The following SPATA31A6 variants were observed in gnomAD, a reference collection of about 807,000 sequenced individuals.
SPATA31A6 encodes the protein spermatogenesis-associated protein 31A6.
In SPATA31A6, 9 loss-of-function variants were observed where a neutral mutation model predicts 11.9. The observed-to-expected ratio is 0.76, with a 90% CI of 0.46 to 1.32. The LOEUF is 1.32. Ranked by LOEUF, SPATA31A6 falls within the 40% of genes most tolerant of loss-of-function variation. The pLI is 0.00. For missense variants in SPATA31A6, 855 were observed against 1,467.3 expected (o/e 0.58, Z 6.82); for synonymous variants, 314 against 572.1 (o/e 0.55, Z 6.44).
Position 42,185,883 on chromosome 9 carries a change from G to A in SPATA31A6, c.308+128G>A, listed in dbSNP as rs1231655931. 6.1e-5 allele frequency: 89 copies of A among 1,463,204 alleles called. 13 individuals carry two copies. The highest frequency in any genetic ancestry group is 7.6e-5 in the Non-Finnish European group (83 of 1,094,032). 90.6% of individuals were successfully genotyped at this position (1,463,204 alleles called of 1,614,324 possible). ...ACAGAGGATGGGAGTAAAACCCTGG[G>A]GCGAGGGGTAGCAGGAGAATTGGGC... On this transcript the variant is annotated intron_variant, in intron 3 of 3. Transcript: ENST00000332857.
chr9:42,184,941 T>A (rs1231671841), intron 1 of SPATA31A6, 128 bp from the exon 2 acceptor site: 1 of 1,428,968 alleles, frequency 7.0e-7, no homozygotes. Flanking sequence ...GGTTCCTGAG[T>A]GCAGCATGCT....
rs1328623680 is a variant in SPATA31A6, at chr9:42,187,240, T to C, written c.1538T>C (p.Leu513Pro). ...GTCCTATCTCCTGCTTTTCCATCCC[T>C]GATTAAGAACACTGGAGTAGCTTGC... is the stretch of plus-strand genomic sequence containing the variant. Reference protein sequence around the residue: ...FPVLSPAFPSLIKNTGVACPA... With the variant: ...FPVLSPAFPSPIKNTGVACPA... Residue 513 changes from leucine (L) to proline (P), a missense_variant, in exon 4 of 4, where the codon CTG becomes CCG. Leu to Pro is a moderately conservative substitution (Grantham distance 98). Coordinates refer to ENST00000332857, the MANE Select transcript of SPATA31A6 (RefSeq NM_001145196.1). 5 of 1,542,990 alleles carry C rather than the reference T, an allele frequency of 3.2e-6. 1 individual carries two copies. In the South Asian group the frequency reaches 4.6e-5, roughly 14 times the overall value.
Position 42,186,944 on chromosome 9 carries a change from G to C in SPATA31A6, c.1242G>C (p.Gln414His), listed in dbSNP as rs775015956. ...LQESFWKNYS[Q>H]LFWGLPSLHS... The stretch of plus-strand genomic sequence containing the variant: ...AAAGTTTTTGGAAGAATTATAGCCA[G>C]CTTTTCTGGGGCCTCCCCTCTCTGC... The change falls in exon 4 of 4, where the codon CAG becomes CAC. Residue 414 changes from glutamine (Q) to histidine (H), a missense_variant. Transcript: ENST00000332857. The C allele has an allele frequency of 6.5e-7, 1 of 1,542,776 alleles. No homozygotes were observed. Among genetic ancestry groups the C allele is most frequent in the South Asian group, 1.1e-5 (1 of 87,444 alleles).
In SPATA31A6 at chr9:42,183,862, C is replaced by T. The variant is rs1375298093; in HGVS notation, c.175C>T (p.Pro59Ser). ...FHCDDPPSPS[P>S]GKRKCPVGRR... The stretch of plus-strand genomic sequence containing the variant: ...TTGTGATGACCCACCCTCACCATCG[C>T]CTGGGAAGAGAAAGGTAAGGAACCC... The change falls in exon 1 of 4, where the codon CCT (proline) becomes TCT (serine). Residue 59 changes from proline (P) to serine (S), a missense_variant. Pro to Ser is a moderately conservative substitution (Grantham distance 74, BLOSUM62 -1). Coordinates refer to ENST00000332857, the MANE Select transcript of SPATA31A6 (RefSeq NM_001145196.1). 3.3e-6 allele frequency: 5 copies of T among 1,531,782 alleles called. 1 individual carries two copies. The highest frequency in any genetic ancestry group is 2.6e-6 in the Non-Finnish European group (3 of 1,137,654). 94.9% of individuals were successfully genotyped at this position (1,531,782 alleles called of 1,614,324 possible).
At position 42,188,938 on chromosome 9, in the gene SPATA31A6, T is replaced by C. The variant is rs1353673870; in HGVS notation, c.3236T>C (p.Leu1079Pro). 9.1e-6 allele frequency: 14 copies of C among 1,541,390 alleles called. No individual in the cohort carries two copies. The highest frequency in any genetic ancestry group is 1.2e-5 in the Non-Finnish European group (14 of 1,137,238). Residue 1079 changes from leucine to proline, a missense_variant, in exon 4 of 4, where the codon CTG (leucine) becomes CCG (proline). By Grantham distance (98) the Leu-to-Pro change is moderately conservative. Transcript: ENST00000332857. ...HDLMAARRSKLVQEEPRNPNC... is the reference protein window; with the variant it reads ...HDLMAARRSKPVQEEPRNPNC... ...CTCATGGCAGCCAGAAGGAGCAAACTGGTGCAAGAGGAGCCCAGAAACCCA... is the reference window on the plus strand; with the variant it reads ...CTCATGGCAGCCAGAAGGAGCAAACCGGTGCAAGAGGAGCCCAGAAACCCA...
chr9:42,183,867 G>A lies in SPATA31A6; in HGVS notation c.180G>A (p.Gly60=). 6.5e-7 allele frequency: 1 copy of A among 1,531,372 alleles called. No homozygotes were observed. The highest frequency in any genetic ancestry group is 2.4e-5 in the East Asian group (1 of 41,694). The allele number at this position is 1,531,372 out of a possible 1,614,324, so 94.9% of individuals were successfully genotyped here. The part of the protein sequence containing the change: ...HCDDPPSPSP[G]KRKCPVGRRR... ...ATGACCCACCCTCACCATCGCCTGG[G>A]AAGAGAAAGGTAAGGAACCCTCAGT... The change falls in exon 1 of 4, where the codon GGG becomes GGA. Residue 60 remains glycine, a synonymous_variant. Transcript: ENST00000332857.
intron 1 of SPATA31A6, among the ~76,000 whole-genome samples, chr9:42,184,439 C>CTCTG (rs1829403811): frequency 9.8e-6 from 1 of 101,986 alleles, no homozygotes; most frequent in Admixed American, 9.7e-5. Flanking sequence ...GAAAATCCCT[C>CTCTG]TGTGTGTGTG....
Position 42,187,254 on chromosome 9 carries a change from G to T in SPATA31A6, c.1552G>T (p.Gly518Ter), listed in dbSNP as rs1433536245. 4 of 1,542,456 alleles carry T rather than the reference G, an allele frequency of 2.6e-6. 1 individual carries two copies. Among genetic ancestry groups the T allele is most frequent in the South Asian group, 1.2e-5 (1 of 86,486 alleles). ...PAFPSLIKNT[G>*]VACPASQNKV... ...TTTTCCATCCCTGATTAAGAACACT[G>T]GAGTAGCTTGCCCTGCATCGCAGAA... Residue 518 changes from glycine to a stop codon, truncating the protein, a stop_gained, in exon 4 of 4, where the codon GGA (glycine) becomes TGA (stop). Coordinates refer to ENST00000332857, the MANE Select transcript of SPATA31A6 (RefSeq NM_001145196.1). LOFTEE classifies it low-confidence loss of function (END_TRUNC).
Position 42,189,210 on chromosome 9 carries a change from A to G in SPATA31A6, c.3508A>G (p.Ile1170Val). 6.5e-7 allele frequency: 1 copy of G among 1,542,564 alleles called. No individual in the cohort carries two copies. The highest frequency in any genetic ancestry group is 1.1e-5 in the South Asian group (1 of 87,320). The change falls in exon 4 of 4, where the codon ATT (isoleucine) becomes GTT (valine). Residue 1170 changes from isoleucine (I) to valine (V), a missense_variant. Transcript: ENST00000332857. Reference sequence around the variant, plus strand: ...AAACATCAAGCAATTTTTTCAGTGGATTTTTTCAAAGAAAAAAAGCAAGCC... The same window carrying G: ...AAACATCAAGCAATTTTTTCAGTGGGTTTTTTCAAAGAAAAAAAGCAAGCC... ...GENIKQFFQW[I>V]FSKKKSKPAP...
At position 42,183,732 on chromosome 9, in the gene SPATA31A6, G is replaced by T. The variant is rs768269432; in HGVS notation, c.45G>T (p.Ser15=). 1 of 1,534,576 alleles carries T rather than the reference G, an allele frequency of 6.5e-7. No individual in the cohort carries two copies. Among genetic ancestry groups the T allele is most frequent in the Non-Finnish European group, 8.8e-7 (1 of 1,137,450 alleles). The change falls in exon 1 of 4, where the codon TCG becomes TCT. Residue 15 remains serine, a synonymous_variant. Coordinates refer to ENST00000332857, the MANE Select transcript of SPATA31A6 (RefSeq NM_001145196.1). The part of the protein sequence containing the change: ...PFPLKLLSAS[S]LNAPSSTPWV... ...CTTTAAAATTACTTAGTGCCTCATC[G>T]CTAAACGCCCCCAGCTCCACACCAT...
intron 1 of SPATA31A6, 102 bp from the exon 2 acceptor site, chr9:42,184,967 C>G (rs559760201): frequency 7.3e-7 from 1 of 1,377,806 alleles, no homozygotes; most frequent in African/African-American, 1.6e-5. Context: ...TGGGCTGGAG[C>G]AGAGAGGGAG....
Position 42,189,377 on chromosome 9 carries a change from C to A in SPATA31A6, c.3675C>A (p.Ala1225=), listed in dbSNP as rs2118861929. The change falls in exon 4 of 4, where the codon GCC becomes GCA. Residue 1225 remains alanine, a synonymous_variant. Coordinates refer to ENST00000332857, the MANE Select transcript of SPATA31A6 (RefSeq NM_001145196.1). ...KKMSLCHAHH[A]SKVNQHKQKF... ...TGTCACTTTGCCATGCGCACCATGC[C>A]TCGAAGGTAAATCAGCACAAACAGA... 3 of 1,542,468 alleles carry A rather than the reference C, an allele frequency of 1.9e-6. No individual in the cohort carries two copies. The highest frequency in any genetic ancestry group is 2.4e-5 in the East Asian group (1 of 41,414).
At chr9:42,185,495 T>C (rs1282095630) in intron 2 of SPATA31A6, 200 bp from the exon 3 acceptor site, 1 of 933,538 alleles carries the variant, frequency 1.1e-6, no homozygotes, top group African/African-American at 1.9e-5. Flanking sequence ...GGGGGGTCCG[T>C]GTGTGGAAGC....
Position 42,189,306 on chromosome 9 carries a change from G to T in SPATA31A6, c.3604G>T (p.Ala1202Ser), listed in dbSNP as rs764702499. 1 of 1,556,708 alleles carries T rather than the reference G, an allele frequency of 6.4e-7. No homozygotes were observed. The highest frequency in any genetic ancestry group is 8.7e-7 in the Non-Finnish European group (1 of 1,146,920). Residue 1202 changes from alanine to serine, a missense_variant, in exon 4 of 4, where the codon GCT becomes TCT. Transcript: ENST00000332857. ...ATGTGTGTACAGCAGCAGTGCTGAAGCTCAGGGTCTCATGACGGCAGTTGG... is the reference window on the plus strand; with the variant it reads ...ATGTGTGTACAGCAGCAGTGCTGAATCTCAGGGTCTCATGACGGCAGTTGG... Reference protein sequence around the residue: ...RSCVYSSSAEAQGLMTAVGQM... With the variant: ...RSCVYSSSAESQGLMTAVGQM...
In SPATA31A6 at chr9:42,186,988, C is replaced by A; in HGVS notation, c.1286C>A (p.Ala429Asp). Residue 429 changes from alanine to aspartate, a missense_variant, in exon 4 of 4, where the codon GCT (alanine) becomes GAT (aspartate). Ala to Asp is a moderately radical substitution (Grantham distance 126). Transcript: ENST00000332857. ...TCTCTGCACAGCGAGTCCCTGGTGG[C>A]TAACGCCTGGGTAACTGACAGGTCT... ...LPSLHSESLV[A>D]NAWVTDRSYT... 1 of 1,545,998 alleles carries A rather than the reference C, an allele frequency of 6.5e-7. No individual in the cohort carries two copies. The highest frequency in any genetic ancestry group is 8.8e-7 in the Non-Finnish European group (1 of 1,142,062).
rs765300600 is a variant in SPATA31A6, at chr9:42,187,628, C to A, written c.1926C>A (p.Ser642=). 1 of 1,250,600 alleles carries A rather than the reference C, an allele frequency of 8.0e-7. No individual in the cohort carries two copies. Among genetic ancestry groups the A allele is most frequent in the Non-Finnish European group, 1.1e-6 (1 of 911,688 alleles). 77.5% of individuals were successfully genotyped at this position (1,250,600 alleles called of 1,614,324 possible). Residue 642 remains serine, a synonymous_variant, in exon 4 of 4, where the codon TCC becomes TCA. Transcript: ENST00000332857. ...GCAAACCCAGTCCCTGGCAGTCCTCCACGTCCACAGGTGAAAGCAGCAAGG... is the reference window on the plus strand; with the variant it reads ...GCAAACCCAGTCCCTGGCAGTCCTCAACGTCCACAGGTGAAAGCAGCAAGG... ...AKGKPSPWQS[S]TSTGESSKEA...
Position 42,187,043 on chromosome 9 carries a change from C to G in SPATA31A6, c.1341C>G (p.Phe447Leu). Residue 447 changes from phenylalanine to leucine, a missense_variant, in exon 4 of 4, where the codon TTC (phenylalanine) becomes TTG (leucine). By Grantham distance (22) the Phe-to-Leu change is conservative. Transcript: ENST00000332857. ...CTTTACAGTCTCCTCCTTTCTTGTT[C>G]AATGAAATGTCCAATGTCTGCCCAA... Reference protein sequence around the residue: ...SYTLQSPPFLFNEMSNVCPIQ... With the variant: ...SYTLQSPPFLLNEMSNVCPIQ... 1.3e-6 allele frequency: 2 copies of G among 1,546,920 alleles called. No homozygotes were observed. The highest frequency in any genetic ancestry group is 1.8e-6 in the Non-Finnish European group (2 of 1,141,328).
Position 42,188,949 on chromosome 9 carries a change from G to T in SPATA31A6, c.3247G>T (p.Glu1083Ter). ...CAGAAGGAGCAAACTGGTGCAAGAG[G>T]AGCCCAGAAACCCAAACTGTCAAGG... ...AARRSKLVQE[E>*]PRNPNCQGSC... Residue 1083 changes from glutamate (E) to a stop codon, truncating the protein, a stop_gained, in exon 4 of 4, where the codon GAG (glutamate) becomes TAG (stop). Transcript: ENST00000332857. LOFTEE classifies it low-confidence loss of function (END_TRUNC). The T allele has an allele frequency of 6.5e-7, 1 of 1,542,184 alleles. No individual in the cohort carries two copies. Among genetic ancestry groups the T allele is most frequent in the South Asian group, 1.2e-5 (1 of 86,930 alleles).
chr9:42,189,181 G>C lies in SPATA31A6; in HGVS notation c.3479G>C (p.Gly1160Ala). The change falls in exon 4 of 4, where the codon GGA becomes GCA. Residue 1160 changes from glycine (G) to alanine (A), a missense_variant. Coordinates refer to ENST00000332857, the MANE Select transcript of SPATA31A6 (RefSeq NM_001145196.1). ...CAGCCTCCTTCAGTAAGCCACTTTGGAGAAAACATCAAGCAATTTTTTCAG... is the reference window on the plus strand; with the variant it reads ...CAGCCTCCTTCAGTAAGCCACTTTGCAGAAAACATCAAGCAATTTTTTCAG... ...KKQPPSVSHF[G>A]ENIKQFFQWI... The C allele has an allele frequency of 1.3e-6, 2 of 1,543,728 alleles. 1 individual carries two copies. The highest frequency in any genetic ancestry group is 3.1e-5 in the African/African-American group (2 of 65,068).
Sources: allele counts gnomAD v4.1 joint callset (sites outside exome capture counted in the v4.1 genomes callset), GRCh38; gene constraint gnomAD v4.1.1; transcripts MANE v1.5; gene names NCBI Gene and HGNC (gene_info 2026-07-23, HGNC 2026-07-21).